DOCK8: variants seen among roughly 807,000 people sequenced by gnomAD.
DOCK8 encodes dedicator of cytokinesis 8.
A neutral mutation model predicts 245.6 loss-of-function variants in DOCK8; 141 were observed. That is an observed-to-expected ratio of 0.57 (90% confidence interval 0.50 to 0.66). The LOEUF (loss-of-function observed/expected upper bound fraction) is 0.66. Ranked by LOEUF, DOCK8 falls within the 30% of genes least tolerant of loss-of-function variation. DOCK8 has a pLI of 0.00. For synonymous variants in DOCK8, 1,168 were observed against 970.2 expected (o/e 1.20, Z -3.79); for missense variants, 2,965 against 2,603.4 (o/e 1.14, Z -3.02).
At chr9:246,981 A>T (rs2047520615) in intron 1 of DOCK8, among the ~76,000 whole-genome samples, 1 of 152,170 alleles carries the variant, frequency 6.6e-6, no homozygotes. Context: ...GTGATACCAC[A>T]GAAAAAAAAT....
At chr9:304,363 A>G (rs1241380267) in intron 4 of DOCK8, among the ~76,000 whole-genome samples, 1 of 152,186 alleles carries the variant, frequency 6.6e-6, no homozygotes. Flanking sequence ...CCTCCCTTTA[A>G]TAATGAGCCA....
chr9:340,857 A>T (rs2051552704), intron 14 of DOCK8, among the ~76,000 whole-genome samples: 1 of 152,116 alleles, frequency 6.6e-6, no homozygotes, highest in Non-Finnish European at 1.5e-5. Context: ...GTAGTTTAGG[A>T]TTATAGTGGA....
chr9:303,759 G>A (rs769185064), intron 4 of DOCK8, among the ~76,000 whole-genome samples: 2 of 152,164 alleles, frequency 1.3e-5, no homozygotes, highest in African/African-American at 2.4e-5. Context: ...ATTTACCCAT[G>A]TAATGAATTT....
At chr9:214,712 C>G (rs376420186), upstream of DOCK8, 4 of 1,549,560 alleles carry the variant, frequency 2.6e-6, no homozygotes, top group African/African-American at 2.7e-5. Flanking sequence ...TATCGGGAGG[C>G]CAGTTCCGCG....
At chr9:308,586 A>C (rs528844813) in intron 5 of DOCK8, among the ~76,000 whole-genome samples, 1 of 152,238 alleles carries the variant, frequency 6.6e-6, no homozygotes, top group African/African-American at 2.4e-5. Context: ...AGATTATATT[A>C]TGCATAATAT....
Position 426,941 on chromosome 9 carries a change from C to G in DOCK8, c.4298C>G (p.Ala1433Gly), listed in dbSNP as rs776314642. Reference sequence around the variant, plus strand: ...ATCAGTGGCAATCTGGCTACAGAAGCACATTTAATCATCCTGGATATGCAG... The same window carrying G: ...ATCAGTGGCAATCTGGCTACAGAAGGACATTTAATCATCCTGGATATGCAG... ...ALISGNLATE[A>G]HLIILDMQEN... The change falls in exon 34 of 48, where the codon GCA (alanine) becomes GGA (glycine). Residue 1433 changes from alanine to glycine, a missense_variant. Transcript: ENST00000432829. The G allele has an allele frequency of 5.6e-6, 9 of 1,614,060 alleles. No individual in the cohort carries two copies. In the East Asian group the frequency reaches 2.0e-4, roughly 36 times the overall value.
intron 23 of DOCK8, among the ~76,000 whole-genome samples, chr9:388,410 T>C (rs1226637944): frequency 6.6e-6 from 1 of 152,218 alleles, no homozygotes; most frequent in African/African-American, 2.4e-5. Flanking sequence ...CTAACCCGCC[T>C]GGGATCTAAT....
chr9:446,417 G>C lies in DOCK8; in HGVS notation c.5628G>C (p.Glu1876Asp). Residue 1876 changes from glutamate to aspartate, a missense_variant, in exon 44 of 48, where the codon GAG (glutamate) becomes GAC (aspartate). By Grantham distance (45) the Glu-to-Asp change is conservative. This residue lies in a region of DOCK8 where 2,825 missense variants were observed against 2,453.5 expected (regional missense o/e 1.15). Transcript: ENST00000432829. Reference sequence around the variant, plus strand: ...TGGAGCCCTACTTTGATGAGTATGAGATGAAAGACAGGGTCACATACTTTG... The same window carrying C: ...TGGAGCCCTACTTTGATGAGTATGACATGAAAGACAGGGTCACATACTTTG... ...TFVEPYFDEYEMKDRVTYFEK... is the reference protein window; with the variant it reads ...TFVEPYFDEYDMKDRVTYFEK... 6.2e-7 allele frequency: 1 copy of C among 1,614,222 alleles called. No individual in the cohort carries two copies. The highest frequency in any genetic ancestry group is 8.5e-7 in the Non-Finnish European group (1 of 1,180,048).
At chr9:425,418 G>T (rs1053398546) in intron 33 of DOCK8, among the ~76,000 whole-genome samples, 5 of 151,818 alleles carry the variant, frequency 3.3e-5, no homozygotes, top group Non-Finnish European at 5.9e-5. Flanking sequence ...TGTAGTCCCA[G>T]CTACTCGGGA....
intron 43 of DOCK8, among the ~76,000 whole-genome samples, chr9:443,793 C>A (rs918061635): frequency 6.6e-6 from 1 of 152,142 alleles, no homozygotes; most frequent in African/African-American, 2.4e-5. Flanking sequence ...CCTGCAACGA[C>A]CCCTGGAAGT....
In DOCK8 at chr9:440,285, G is replaced by A. The variant is rs143688701; in HGVS notation, c.5223+897G>A. On this transcript the variant is annotated intron_variant, in intron 40 of 47. Coordinates refer to ENST00000432829, the MANE Select transcript of DOCK8 (RefSeq NM_203447.4). ...TCTGCCCATCTTGGCCTCCCAAAGT[G>A]CTGGAACTACAGGTGTGAGCCACCA... Among the ~76,000 whole-genome samples, 550 of 152,278 alleles carry A rather than the reference G, an allele frequency of 3.6e-3. 2 individuals are homozygous for A. The highest frequency in any genetic ancestry group is 0.013 in the African/African-American group (526 of 41,552).
intron 4 of DOCK8, among the ~76,000 whole-genome samples, chr9:301,665 A>G (rs1476325842): frequency 1.3e-5 from 2 of 152,242 alleles, no homozygotes; most frequent in East Asian, 1.9e-4. Flanking sequence ...AGGATACAAA[A>G]TCAATGTACA....
intron 23 of DOCK8, among the ~76,000 whole-genome samples, chr9:387,690 T>TA (rs910526023): frequency 5.9e-5 from 9 of 152,094 alleles, no homozygotes; most frequent in Non-Finnish European, 1.3e-4. Flanking sequence ...GATTTAACTA[T>TA]AAAAGGAAAA....
chr9:402,636 T>C (rs2055165391), intron 26 of DOCK8, among the ~76,000 whole-genome samples: 1 of 152,252 alleles, frequency 6.6e-6, no homozygotes, highest in Admixed American at 6.5e-5. Flanking sequence ...TCTGACTTTA[T>C]CATTTTGCAT....
intron 33 of DOCK8, 110 bp downstream of exon 33, chr9:422,245 A>G: frequency 1.1e-6 from 1 of 894,216 alleles, no homozygotes; most frequent in Non-Finnish European, 1.8e-6. Context: ...TAGAAAATGA[A>G]ACATCATTAT....
At chr9:294,852 A>G (rs898705227) in intron 4 of DOCK8, among the ~76,000 whole-genome samples, 7 of 152,224 alleles carry the variant, frequency 4.6e-5, no homozygotes, top group Admixed American at 3.3e-4. Context: ...CAGATACAGT[A>G]TGCTAAGTGA....
At chr9:245,516 C>G (rs779183999) in intron 1 of DOCK8, among the ~76,000 whole-genome samples, 4 of 152,010 alleles carry the variant, frequency 2.6e-5, no homozygotes, top group Non-Finnish European at 4.4e-5. Context: ...CCAATAGTTT[C>G]TTTTTTGATA....
At chr9:383,792 G>A (rs1237133751) in intron 22 of DOCK8, among the ~76,000 whole-genome samples, 3 of 150,560 alleles carry the variant, frequency 2.0e-5, no homozygotes, top group African/African-American at 7.3e-5. Flanking sequence ...TTGATGGCTT[G>A]CCCTATGTTG....
In DOCK8 at chr9:399,267, T is replaced by TGGGGGG; in HGVS notation, c.3234+8_3234+9insGGGGGG. The TGGGGGG allele has an allele frequency of 1.3e-6, 2 of 1,534,346 alleles. No individual in the cohort carries two copies. The highest frequency in any genetic ancestry group is 8.7e-7 in the Non-Finnish European group (1 of 1,156,002). ...AGACATTATTGCAGCCAGGTGAGTG[T>TGGGGGG]CCCCCCCACCCCCACCCCCGAGCGA... On this transcript the variant is annotated intron_variant, in intron 26 of 47. Coordinates refer to ENST00000432829, the MANE Select transcript of DOCK8 (RefSeq NM_203447.4).
Sources: allele counts gnomAD v4.1 joint callset (sites outside exome capture counted in the v4.1 genomes callset), GRCh38; gene constraint gnomAD v4.1.1; regional missense constraint gnomAD v4.1.1; transcripts MANE v1.5; gene names NCBI Gene and HGNC (gene_info 2026-07-23, HGNC 2026-07-21).